The following RAB3IP variants were observed in gnomAD, a reference collection of about 807,000 sequenced individuals.
RAB3IP encodes the protein rab-3A-interacting protein.
RAB3IP carries 36 observed loss-of-function variants against 59.1 expected under a neutral mutation model. That is an observed-to-expected ratio of 0.61 (90% CI 0.47 to 0.80). The LOEUF is 0.80. RAB3IP is among the 30% of genes least tolerant of loss of function. RAB3IP has a pLI of 0.00. For synonymous variants in RAB3IP, 207 were observed against 191.2 expected (o/e 1.08, Z -0.68); for missense variants, 511 against 536.0 (o/e 0.95, Z 0.46).
At chr12:69,806,490 T>C (rs1378778598) in intron 8 of RAB3IP, among the ~76,000 whole-genome samples, 1 of 152,022 alleles carries the variant, frequency 6.6e-6, no homozygotes, top group Non-Finnish European at 1.5e-5. Flanking sequence ...TTTGCGTCTC[T>C]ATTTCCTTCA....
intron 3 of RAB3IP, among the ~76,000 whole-genome samples, chr12:69,772,249 T>C (rs932696467): frequency 6.6e-6 from 1 of 152,214 alleles, no homozygotes; most frequent in Non-Finnish European, 1.5e-5. Flanking sequence ...CTTTCTCTTG[T>C]TTTTCAATTT....
chr12:69,813,177 CT>C lies in RAB3IP; in HGVS notation c.1300+145del, dbSNP rs551857515. The C allele has an allele frequency of 6.7e-4, 370 of 548,248 alleles. 3 individuals carry two copies. Among genetic ancestry groups the C allele is most frequent in the Middle Eastern group, 3.0e-3 (7 of 2,314 alleles). 34.0% of individuals were successfully genotyped at this position (548,248 alleles called of 1,614,324 possible). ...TTTATATTGAATCCCTTCTATAGTT[CT>C]AATAAAATTTGTGGAGAATTTGGGA... is the stretch of plus-strand genomic sequence containing the variant. On this transcript the variant is annotated intron_variant, in intron 10 of 10. Coordinates refer to ENST00000247833, the MANE Select transcript of RAB3IP (RefSeq NM_022456.5).
intron 1 of RAB3IP, among the ~76,000 whole-genome samples, chr12:69,747,459 A>G (rs1868511609): frequency 6.6e-6 from 1 of 151,794 alleles, no homozygotes. Context: ...ATGCCACCAC[A>G]CTCTGCTAAT....
At chr12:69,775,313 C>T (rs1426706542) in intron 3 of RAB3IP, among the ~76,000 whole-genome samples, 4 of 138,030 alleles carry the variant, frequency 2.9e-5, no homozygotes, top group African/African-American at 1.1e-4. Context: ...AGATTTTGGG[C>T]TGAGACGATG....
At chr12:69,746,981 CTAT>C (rs888550965) in intron 1 of RAB3IP, among the ~76,000 whole-genome samples, 7 of 152,124 alleles carry the variant, frequency 4.6e-5, no homozygotes, top group Non-Finnish European at 1.0e-4. Context: ...TATTTAATTT[CTAT>C]TATTGTGATA....
chr12:69,750,813 A>G (rs1317690498), intron 1 of RAB3IP, among the ~76,000 whole-genome samples: 1 of 150,442 alleles, frequency 6.6e-6, no homozygotes, highest in South Asian at 2.1e-4. Flanking sequence ...ATAATGTTTG[A>G]TTGTCTCCGT....
At chr12:69,813,429 G>T (rs1880745559) in intron 10 of RAB3IP, among the ~76,000 whole-genome samples, 2 of 152,102 alleles carry the variant, frequency 1.3e-5, no homozygotes, top group South Asian at 4.1e-4. Flanking sequence ...AAACCATCAT[G>T]GAGCTCAAAA....
chr12:69,756,683 ATTC>A lies in RAB3IP; in HGVS notation c.510+24_510+26del, dbSNP rs778485256. The stretch of plus-strand genomic sequence containing the variant: ...CAGAGGGTAAGAAAGAAGATATTTT[ATTC>A]TTCCATATATTATATTAGAAATTAG... On this transcript the variant is annotated intron_variant, in intron 3 of 10. Coordinates refer to ENST00000247833, the MANE Select transcript of RAB3IP (RefSeq NM_022456.5). 6.3e-7 allele frequency: 1 copy of A among 1,588,558 alleles called. No individual in the cohort carries two copies. The highest frequency in any genetic ancestry group is 2.2e-5 in the East Asian group (1 of 44,700).
At chr12:69,806,570 G>GCTTTTT (rs1879313556) in intron 8 of RAB3IP, among the ~76,000 whole-genome samples, 1 of 68,488 alleles carries the variant, frequency 1.5e-5, no homozygotes. Flanking sequence ...TGCTTCTCTA[G>GCTTTTT]TTTTTTTTTT....
chr12:69,807,886 G>A (rs1343412089), intron 8 of RAB3IP, among the ~76,000 whole-genome samples: 14 of 149,070 alleles, frequency 9.4e-5, no homozygotes, highest in Non-Finnish European at 1.6e-4. Flanking sequence ...GGGCGGAGAC[G>A]CTCCTCACCT....
rs953664059 is a variant in RAB3IP, at chr12:69,815,436, A to C, written c.1373A>C (p.Glu458Ala). The change falls in exon 11 of 11, where the codon GAG becomes GCG. Residue 458 changes from glutamate (E) to alanine (A), a missense_variant. Glu to Ala is a moderately radical substitution (Grantham distance 107). Transcript: ENST00000247833. ...MSLAKLGYFK[E>A]EL ...TTGGCAAAGCTGGGTTATTTCAAAG[A>C]GGAACTCTGATGCTCTGCGTGGGAC... The C allele has an allele frequency of 6.2e-7, 1 of 1,610,634 alleles. No individual in the cohort carries two copies. Among genetic ancestry groups the C allele is most frequent in the Non-Finnish European group, 8.5e-7 (1 of 1,176,878 alleles).
At chr12:69,770,226 G>C (rs992119540) in intron 3 of RAB3IP, among the ~76,000 whole-genome samples, 3 of 152,134 alleles carry the variant, frequency 2.0e-5, no homozygotes, top group Middle Eastern at 3.4e-3. Flanking sequence ...CTTGATTATA[G>C]AGTTGTAAAT....
chr12:69,770,483 C>G (rs1419891471), intron 3 of RAB3IP, among the ~76,000 whole-genome samples: 1 of 151,758 alleles, frequency 6.6e-6, no homozygotes, highest in Non-Finnish European at 1.5e-5. Flanking sequence ...ATTGTTTTTT[C>G]TCAACATTTT....
At chr12:69,803,036 G>A (rs1383065733) in intron 8 of RAB3IP, among the ~76,000 whole-genome samples, 1 of 152,010 alleles carries the variant, frequency 6.6e-6, no homozygotes, top group African/African-American at 2.4e-5. Context: ...TATTTTTAAG[G>A]TCTGTGTCAT....
intron 3 of RAB3IP, among the ~76,000 whole-genome samples, chr12:69,770,294 C>G (rs533063912): frequency 1.2e-4 from 19 of 152,114 alleles, no homozygotes; most frequent in East Asian, 3.9e-4. Context: ...ATCCGCCCCC[C>G]CACCCTGCCG....
At chr12:69,743,781 TTCTA>T (rs1358811888) in intron 1 of RAB3IP, among the ~76,000 whole-genome samples, 1 of 152,222 alleles carries the variant, frequency 6.6e-6, no homozygotes, top group African/African-American at 2.4e-5. Context: ...ACTGTTTCAT[TTCTA>T]TCTTTTTCAG....
chr12:69,811,520 T>C (rs1428267364), intron 8 of RAB3IP, among the ~76,000 whole-genome samples: 1 of 152,210 alleles, frequency 6.6e-6, no homozygotes, highest in African/African-American at 2.4e-5. Context: ...AAGAATAGTG[T>C]ATAAATTGGT....
At chr12:69,772,636 A>G (rs1248086162) in intron 3 of RAB3IP, among the ~76,000 whole-genome samples, 2 of 152,218 alleles carry the variant, frequency 1.3e-5, no homozygotes, top group African/African-American at 4.8e-5. Flanking sequence ...TTAAACTGCT[A>G]ACAACTTAAT....
intron 10 of RAB3IP, among the ~76,000 whole-genome samples, chr12:69,814,225 T>G (rs1880854975): frequency 6.6e-6 from 1 of 152,196 alleles, no homozygotes; most frequent in Admixed American, 6.5e-5. Context: ...ATAAGAAGCT[T>G]GGAAAGACAG....
Sources: allele counts gnomAD v4.1 joint callset (sites outside exome capture counted in the v4.1 genomes callset), GRCh38; gene constraint gnomAD v4.1.1; transcripts MANE v1.5; gene names NCBI Gene and HGNC (gene_info 2026-07-23, HGNC 2026-07-21).